The following ZC3H3 variants were observed in gnomAD, a reference collection of about 807,000 sequenced individuals.
ZC3H3 encodes zinc finger CCCH domain-containing protein 3.
ZC3H3 carries 36 observed loss-of-function variants against 77.3 expected under a neutral mutation model. That is an observed-to-expected ratio of 0.47 (90% confidence interval 0.36 to 0.61). The LOEUF (loss-of-function observed/expected upper bound fraction) is 0.61. ZC3H3 is among the 20% of genes least tolerant of loss of function. ZC3H3 has a pLI of 0.00. For synonymous variants in ZC3H3, 626 were observed against 555.2 expected, an observed-to-expected ratio of 1.13 and a Z score of -1.79; for missense variants, 1,331 against 1,312.2, an observed-to-expected ratio of 1.01 and a Z score of -0.22.
chr8:143,466,381 G>A (rs1422063700), intron 8 of ZC3H3, among the ~76,000 whole-genome samples: 1 of 152,244 alleles, frequency 6.6e-6, no homozygotes, highest in Non-Finnish European at 1.5e-5. Context: ...GGCTGGTGTG[G>A]CACTGGCTGC....
Position 143,538,317 on chromosome 8 carries a change from C to A in ZC3H3, c.1050G>T (p.Lys350Asn). Residue 350 changes from lysine to asparagine, a missense_variant, in exon 2 of 12, where the codon AAG becomes AAT. Coordinates refer to ENST00000262577, the MANE Select transcript of ZC3H3 (RefSeq NM_015117.3). Reference protein sequence around the residue: ...ASAGMANKVEKPQLIADPEPK... With the variant: ...ASAGMANKVENPQLIADPEPK... Reference sequence around the variant, plus strand: ...GCTCTGGGTCAGCTATGAGCTGCGGCTTCTCCACCTTGTTTGCCATGCCAG... The same window carrying A: ...GCTCTGGGTCAGCTATGAGCTGCGGATTCTCCACCTTGTTTGCCATGCCAG... The A allele has an allele frequency of 6.2e-7, 1 of 1,613,008 alleles. No homozygotes were observed. The highest frequency in any genetic ancestry group is 8.5e-7 in the Non-Finnish European group (1 of 1,180,038).
intron 3 of ZC3H3, among the ~76,000 whole-genome samples, chr8:143,514,248 T>C (rs1156522030): frequency 2.6e-5 from 4 of 152,100 alleles, no homozygotes; most frequent in African/African-American, 7.2e-5. Flanking sequence ...AGTGCCACCG[T>C]GAGGTCCACA....
intron 4 of ZC3H3, among the ~76,000 whole-genome samples, chr8:143,486,200 C>T (rs1008333903): frequency 6.6e-6 from 1 of 152,242 alleles, no homozygotes; most frequent in Non-Finnish European, 1.5e-5. Flanking sequence ...GAACACCACA[C>T]GGCAGGGAAA....
chr8:143,494,256 C>T lies in ZC3H3; in HGVS notation c.1715+13490G>A, dbSNP rs1367513121. ...ACAGAGACTTCCTGCCACCCTCAGG[C>T]CGAACTTCCTGCTTTGATTTCTTTA... On this transcript the variant is annotated intron_variant, in intron 4 of 11. Transcript: ENST00000262577. The surrounding 1 kb of genome is among the most constrained non-coding windows in gnomAD (Gnocchi z 5.3). 1.3e-5 allele frequency among the ~76,000 whole-genome samples: 2 copies of T among 152,250 alleles called. No homozygotes were observed. Among genetic ancestry groups the T allele is most frequent in the Non-Finnish European group, 2.9e-5 (2 of 68,040 alleles).
intron 3 of ZC3H3, among the ~76,000 whole-genome samples, chr8:143,509,578 C>T (rs769719170): frequency 6.6e-5 from 10 of 152,256 alleles, no homozygotes; most frequent in Non-Finnish European, 1.3e-4. Flanking sequence ...TGCTTCCCAC[C>T]ATGGCTTCCC....
intron 3 of ZC3H3, among the ~76,000 whole-genome samples, chr8:143,514,606 C>T (rs934643215): frequency 4.6e-5 from 7 of 152,214 alleles, no homozygotes; most frequent in Admixed American, 3.3e-4. Context: ...AGGACGGGGC[C>T]GGGTTGCTCA....
intron 3 of ZC3H3, among the ~76,000 whole-genome samples, chr8:143,513,955 C>A (rs981947168): frequency 6.6e-6 from 1 of 152,176 alleles, no homozygotes; most frequent in African/African-American, 2.4e-5. Context: ...CTCGCCAGGG[C>A]TGCACAACAA....
Position 143,538,842 on chromosome 8 carries a change from C to T in ZC3H3, c.525G>A (p.Arg175=). The change falls in exon 2 of 12, where the codon AGG becomes AGA. Residue 175 remains arginine, a synonymous_variant. Coordinates refer to ENST00000262577, the MANE Select transcript of ZC3H3 (RefSeq NM_015117.3). ...EPPRGQLQPS[R]PTRARGTCSV... is the part of the protein sequence containing the mutation. ...TGCAGGTCCCCCTGGCTCTTGTTGG[C>T]CTCGAGGGCTGCAGCTGTCCCCGAG... 6.2e-7 allele frequency: 1 copy of T among 1,612,172 alleles called. No individual in the cohort carries two copies. Among genetic ancestry groups the T allele is most frequent in the Non-Finnish European group, 8.5e-7 (1 of 1,179,622 alleles).
chr8:143,482,991 A>G (rs1438524822), intron 4 of ZC3H3, among the ~76,000 whole-genome samples: 1 of 152,234 alleles, frequency 6.6e-6, no homozygotes, highest in African/African-American at 2.4e-5. Context: ...GCCCCTGGCC[A>G]GGCCGCCCAG....
chr8:143,514,715 G>C (rs551482346), intron 3 of ZC3H3, among the ~76,000 whole-genome samples: 1 of 152,300 alleles, frequency 6.6e-6, no homozygotes, highest in East Asian at 1.9e-4. Flanking sequence ...CCAGGAGCTG[G>C]GCTCACCGCC....
chr8:143,507,061 C>T (rs1431997391), intron 4 of ZC3H3, among the ~76,000 whole-genome samples: 1 of 152,228 alleles, frequency 6.6e-6, no homozygotes, highest in East Asian at 1.9e-4. Flanking sequence ...CCTCTCCCAA[C>T]CTGGAGATGG....
At chr8:143,453,534 T>A (rs761146171) in intron 9 of ZC3H3, among the ~76,000 whole-genome samples, 2 of 152,124 alleles carry the variant, frequency 1.3e-5, no homozygotes, top group African/African-American at 2.4e-5. Flanking sequence ...CAGTGAATTA[T>A]CCTTCTGGAA....
rs371916908 is a variant in ZC3H3, at chr8:143,538,893, C to T, written c.474G>A (p.Arg158=). The T allele has an allele frequency of 1.2e-6, 2 of 1,612,858 alleles. No individual in the cohort carries two copies. Among genetic ancestry groups the T allele is most frequent in the Non-Finnish European group, 1.7e-6 (2 of 1,179,952 alleles). The change falls in exon 2 of 12, where the codon AGG becomes AGA. Residue 158 remains arginine (R), a synonymous_variant. Transcript: ENST00000262577. ...EFEETPWSDQ[R]PREGEGEPPR... ...GGGGCTCACCTTCACCTTCCCGGGG[C>T]CTTTGGTCACTCCAGGGGGTTTCCT...
chr8:143,480,811 C>T (rs902776854), intron 4 of ZC3H3, among the ~76,000 whole-genome samples: 2 of 152,178 alleles, frequency 1.3e-5, no homozygotes, highest in South Asian at 2.1e-4. Flanking sequence ...TGGTAGTCAG[C>T]GTGACTGGCA....
intron 5 of ZC3H3, 66 bp from the exon 6 acceptor site, chr8:143,468,725 A>G: frequency 1.3e-6 from 2 of 1,509,154 alleles, no homozygotes; most frequent in Non-Finnish European, 1.8e-6. Context: ...TTCCCTGCTG[A>G]CCCCCTTAGT....
At chr8:143,512,495 C>T (rs1821901194) in intron 3 of ZC3H3, among the ~76,000 whole-genome samples, 1 of 152,256 alleles carries the variant, frequency 6.6e-6, no homozygotes, top group African/African-American at 2.4e-5. Flanking sequence ...GTCTCTGGCC[C>T]CGGTGCCCTG....
At chr8:143,438,378 C>T (rs1036920555) in intron 11 of ZC3H3, among the ~76,000 whole-genome samples, 1 of 151,850 alleles carries the variant, frequency 6.6e-6, no homozygotes, top group African/African-American at 2.4e-5. Context: ...GTCCAGGGGT[C>T]CTCCTGGGCG....
At chr8:143,483,924 C>T (rs1202829232) in intron 4 of ZC3H3, among the ~76,000 whole-genome samples, 1 of 152,208 alleles carries the variant, frequency 6.6e-6, no homozygotes, top group Admixed American at 6.5e-5. Context: ...CAGCATCTAC[C>T]TCCCAGTATG....
At chr8:143,536,533 A>G (rs1463241199) in intron 2 of ZC3H3, 80 bp from the exon 3 acceptor site, 1 of 1,380,410 alleles carries the variant, frequency 7.2e-7, no homozygotes, top group Non-Finnish European at 9.5e-7. Flanking sequence ...GGACCCGAGG[A>G]GCGTGGGAGC....
Sources: allele counts gnomAD v4.1 joint callset (sites outside exome capture counted in the v4.1 genomes callset), GRCh38; gene constraint gnomAD v4.1.1; non-coding constraint Gnocchi (gnomAD v3.1); transcripts MANE v1.5; gene names NCBI Gene and HGNC (gene_info 2026-07-23, HGNC 2026-07-21).